The following COASY variants were observed in gnomAD, a reference collection of about 807,000 sequenced individuals.
The protein encoded by COASY is Coenzyme A synthase.
In COASY, 31 loss-of-function variants were observed where a neutral mutation model predicts 49.4. That is an observed-to-expected ratio of 0.63 (90% CI 0.47 to 0.85). The LOEUF is 0.85. Ranked by LOEUF, COASY falls within the 40% of genes least tolerant of loss-of-function variation. The probability of loss-of-function intolerance (pLI) is 0.00; values close to 1 mark genes in which losing one functional copy is unlikely to be tolerated. For missense variants in COASY, 730 were observed against 734.1 expected, an observed-to-expected ratio of 0.99 and a Z score of 0.06; for synonymous variants, 285 against 310.9, an observed-to-expected ratio of 0.92 and a Z score of 0.88.
Position 42,562,928 on chromosome 17 carries a change from C to G in COASY, c.306C>G (p.Thr102=). 6.2e-7 allele frequency: 1 copy of G among 1,613,308 alleles called. No homozygotes were observed. The highest frequency in any genetic ancestry group is 8.5e-7 in the Non-Finnish European group (1 of 1,179,302). The part of the protein sequence containing the change: ...TKSTFLPPLP[T]SVQNLAHPPE... ...GCACCTTTCTCCCTCCCCTGCCCAC[C>G]TCAGTCCAGAATCTCGCCCACCCGC... Residue 102 remains threonine, a synonymous_variant, in exon 1 of 9, where the codon ACC becomes ACG. Coordinates refer to ENST00000393818, the MANE Select transcript of COASY (RefSeq NM_025233.7).
chr17:42,564,300 CAAG>C (rs1567904870), intron 2 of COASY, 125 bp downstream of exon 2: 1 of 1,453,814 alleles, frequency 6.9e-7, no homozygotes, highest in East Asian at 2.3e-5. Flanking sequence ...TGGGAAGAAG[CAAG>C]GAGGAACTGG....
intron 1 of COASY, 95 bp from the exon 2 acceptor site, chr17:42,563,866 G>A: frequency 1.0e-6 from 1 of 958,564 alleles, no homozygotes; most frequent in Non-Finnish European, 1.6e-6. Context: ...CACCCCCTCT[G>A]GGGATACTGT....
In COASY at chr17:42,565,727, G is replaced by A. The variant is rs774848837; in HGVS notation, c.1554G>A (p.Gln518=). ...CGGCTCAAAGCCGGCTGCAGAGCCA[G>A]ATGAGCGGGCAGCAGCTTGTGGAAC... ...EAAAQSRLQS[Q]MSGQQLVEQS... is the part of the protein sequence containing the mutation. The change falls in exon 8 of 9, where the codon CAG becomes CAA. Residue 518 remains glutamine (Q), a synonymous_variant. Coordinates refer to ENST00000393818, the MANE Select transcript of COASY (RefSeq NM_025233.7). The A allele has an allele frequency of 1.9e-6, 3 of 1,614,006 alleles. No homozygotes were observed. The highest frequency in any genetic ancestry group is 2.5e-6 in the Non-Finnish European group (3 of 1,180,044).
chr17:42,564,714 G>A lies in COASY; in HGVS notation c.1053G>A (p.Arg351=). ...LGNLLRPPYE[R]PELPTCLYVI... is the part of the protein sequence containing the mutation. ...TCCCTTTCACCTATCCCCAGGAAAG[G>A]CCAGAGCTCCCCACATGTCTCTATG... Residue 351 remains arginine (R), a synonymous_variant, in exon 4 of 9, where the codon AGG becomes AGA. Transcript: ENST00000393818. 1 of 1,526,614 alleles carries A rather than the reference G, an allele frequency of 6.6e-7. No homozygotes were observed. Among genetic ancestry groups the A allele is most frequent in the Non-Finnish European group, 8.8e-7 (1 of 1,141,130 alleles). The allele number at this position is 1,526,614 out of a possible 1,614,324, so 94.6% of individuals were successfully genotyped here.
Position 42,564,756 on chromosome 17 carries a change from C to G in COASY, c.1095C>G (p.Gly365=). ...GTCTCTATGTAATTGGGCTGACTGGCATCAGTGGCTCTGGGAAGAGCTCAA... is the reference window on the plus strand; with the variant it reads ...GTCTCTATGTAATTGGGCTGACTGGGATCAGTGGCTCTGGGAAGAGCTCAA... ...PTCLYVIGLT[G]ISGSGKSSIA... Residue 365 remains glycine, a synonymous_variant, in exon 4 of 9, where the codon GGC becomes GGG. Coordinates refer to ENST00000393818, the MANE Select transcript of COASY (RefSeq NM_025233.7). 6.5e-7 allele frequency: 1 copy of G among 1,530,918 alleles called. No individual in the cohort carries two copies. Among genetic ancestry groups the G allele is most frequent in the Non-Finnish European group, 8.7e-7 (1 of 1,143,746 alleles). The allele number at this position is 1,530,918 out of a possible 1,614,324, so 94.8% of individuals were successfully genotyped here.
chr17:42,564,590 C>A lies in COASY; in HGVS notation c.1047+13C>A. Reference sequence around the variant, plus strand: ...TCGGCCTCCATATGTAAGCTCCTCTCCCTCCTTCCCTCCTGCTTGGTGTCC... The same window carrying A: ...TCGGCCTCCATATGTAAGCTCCTCTACCTCCTTCCCTCCTGCTTGGTGTCC... On this transcript the variant is annotated intron_variant, in intron 3 of 8. Coordinates refer to ENST00000393818, the MANE Select transcript of COASY (RefSeq NM_025233.7). 1 of 1,600,146 alleles carries A rather than the reference C, an allele frequency of 6.2e-7. No homozygotes were observed.
chr17:42,563,117 C>T lies in COASY; in HGVS notation c.495C>T (p.Pro165=). The change falls in exon 1 of 9, where the codon CCC becomes CCT. Residue 165 remains proline, a synonymous_variant. Transcript: ENST00000393818. ...GGATAGGAGAAGTGCCCGTGGAGCC[C>T]CTGGATGTCCCCTTACCCTCCACGA... ...DYGIGEVPVE[P]LDVPLPSTIR... is the part of the protein sequence containing the mutation. 6.2e-7 allele frequency: 1 copy of T among 1,613,684 alleles called. No individual in the cohort carries two copies. The highest frequency in any genetic ancestry group is 8.5e-7 in the Non-Finnish European group (1 of 1,179,728).
Position 42,566,234 on chromosome 17 carries a change from A to G in COASY, c.*266A>G, listed in dbSNP as rs2093004440. The G allele has an allele frequency of 1.9e-6, 1 of 531,050 alleles. No homozygotes were observed. Among genetic ancestry groups the G allele is most frequent in the Non-Finnish European group, 3.4e-6 (1 of 294,646 alleles). The allele number at this position is 531,050 out of a possible 1,614,324, so 32.9% of individuals were successfully genotyped here. A position where few individuals can be genotyped will look rare whatever the true frequency, so the allele number is the denominator to read the frequency against. ...ACCCACAGCTGACTAGGGCCAGCGC[A>G]AATACTGGAACCTGTAACAGAATTA... On this transcript the variant is annotated 3_prime_UTR_variant, in exon 9 of 9. Transcript: ENST00000393818.
intron 2 of COASY, 98 bp from the exon 3 acceptor site, chr17:42,564,348 G>A: frequency 6.4e-7 from 1 of 1,571,728 alleles, no homozygotes; most frequent in Non-Finnish European, 8.7e-7. Flanking sequence ...AGGAGGAGGA[G>A]CCTGGGTAGG....
chr17:42,564,844 G>A lies in COASY; in HGVS notation c.1183G>A (p.Ala395Thr), dbSNP rs139263701. ...TGACAGTGACCACCTGGGTCATCGGGCCTATGCCCCAGGTGGCCCTGCCTA... is the reference window on the plus strand; with the variant it reads ...TGACAGTGACCACCTGGGTCATCGGACCTATGCCCCAGGTGGCCCTGCCTA... ...VIDSDHLGHR[A>T]YAPGGPAYQP... is the part of the protein sequence containing the mutation. The change falls in exon 4 of 9, where the codon GCC becomes ACC. Residue 395 changes from alanine to threonine, a missense_variant. Ala to Thr is a moderately conservative substitution (Grantham distance 58, BLOSUM62 0). Coordinates refer to ENST00000393818, the MANE Select transcript of COASY (RefSeq NM_025233.7). 1.1e-3 allele frequency: 1,813 copies of A among 1,584,372 alleles called. 2 individuals are homozygous for A. Among genetic ancestry groups the A allele is most frequent in the Non-Finnish European group, 1.5e-3 (1,749 of 1,166,246 alleles).
Position 42,565,818 on chromosome 17 carries a change from G to T in COASY, c.1632+13G>T, listed in dbSNP as rs775097561. ...CACCCAACGCCAGGTTGGTGCCCAGGGCAAGGCCGGGTTGTGGGGAAGGAG... is the reference window on the plus strand; with the variant it reads ...CACCCAACGCCAGGTTGGTGCCCAGTGCAAGGCCGGGTTGTGGGGAAGGAG... On this transcript the variant is annotated intron_variant, in intron 8 of 8. Transcript: ENST00000393818. The T allele has an allele frequency of 1.1e-5, 18 of 1,613,912 alleles. No homozygotes were observed. Among genetic ancestry groups the T allele is most frequent in the Non-Finnish European group, 1.5e-5 (18 of 1,179,988 alleles).
rs374709763 is a variant in COASY at position 42,565,740 on chromosome 17, C to T, written c.1567C>T (p.Gln523Ter). Reference sequence around the variant, plus strand: ...GCTGCAGAGCCAGATGAGCGGGCAGCAGCTTGTGGAACAGAGCCACGTGGT... The same window carrying T: ...GCTGCAGAGCCAGATGAGCGGGCAGTAGCTTGTGGAACAGAGCCACGTGGT... The part of the protein sequence containing the change: ...SRLQSQMSGQ[Q>*]LVEQSHVVLS... The change falls in exon 8 of 9, where the codon CAG becomes TAG. Residue 523 changes from glutamine to a stop codon, truncating the protein, a stop_gained. Coordinates refer to ENST00000393818, the MANE Select transcript of COASY (RefSeq NM_025233.7). LOFTEE classifies it high-confidence loss of function. The T allele has an allele frequency of 2.5e-6, 4 of 1,613,776 alleles. No individual in the cohort carries two copies. Among genetic ancestry groups the T allele is most frequent in the African/African-American group, 2.7e-5 (2 of 74,936 alleles).
chr17:42,564,477 A>G lies in COASY; in HGVS notation c.947A>G (p.Gln316Arg). The G allele has an allele frequency of 6.2e-7, 1 of 1,613,550 alleles. No homozygotes were observed. The highest frequency in any genetic ancestry group is 8.5e-7 in the Non-Finnish European group (1 of 1,179,682). ...GAGGAACTTGCTTTGTACCAGATCC[A>G]GCTGCTGAAGGACCTCAGACATACA... ...DLEELALYQI[Q>R]LLKDLRHTEN... Residue 316 changes from glutamine to arginine, a missense_variant, in exon 3 of 9, where the codon CAG becomes CGG. By Grantham distance (43) the Gln-to-Arg change is conservative. Coordinates refer to ENST00000393818, the MANE Select transcript of COASY (RefSeq NM_025233.7).
rs2092977886 is a variant in COASY, at chr17:42,562,192, C to T, written c.-431C>T. 6.4e-6 allele frequency: 3 copies of T among 469,726 alleles called. No homozygotes were observed. The highest frequency in any genetic ancestry group is 2.0e-5 in the African/African-American group (1 of 49,732). The allele number at this position is 469,726 out of a possible 1,614,324, so 29.1% of individuals were successfully genotyped here. ...AGCCAGGGAAGCCTCCGCGGTGGTG[C>T]AAGTGGAACCCAAGCCTTGAGGTTT... On this transcript the variant is annotated 5_prime_UTR_variant, in exon 1 of 9. Coordinates refer to ENST00000393818, the MANE Select transcript of COASY (RefSeq NM_025233.7).
intron 1 of COASY, chr17:42,563,686 C>A: frequency 1.9e-6 from 1 of 522,670 alleles, no homozygotes; most frequent in Non-Finnish European, 3.4e-6. Flanking sequence ...TTGGAATTTT[C>A]CATCTGCCTC....
rs767178238 is a variant in COASY, at chr17:42,563,349, G to T, written c.700+27G>T. The stretch of plus-strand genomic sequence containing the variant: ...TGAGTAAGAGGGACCCTGGACTAGG[G>T]TGGAGGATCCCCAAATCTCCCCACC... On this transcript the variant is annotated intron_variant, in intron 1 of 8. Transcript: ENST00000393818. 4.5e-6 allele frequency: 7 copies of T among 1,549,812 alleles called. No individual in the cohort carries two copies. In the African/African-American group the frequency reaches 9.5e-5, roughly 21 times the overall value.
chr17:42,565,863 G>C (rs765332663), intron 8 of COASY, 43 bp from the exon 9 acceptor site: 1 of 1,613,810 alleles, frequency 6.2e-7, no homozygotes, highest in Non-Finnish European at 8.5e-7. Flanking sequence ...GGTACTGCCT[G>C]ACCCTGCCCT....
chr17:42,563,188 G>A lies in COASY; in HGVS notation c.566G>A (p.Arg189His), dbSNP rs765636733. 3.7e-6 allele frequency: 6 copies of A among 1,613,856 alleles called. No individual in the cohort carries two copies. The highest frequency in any genetic ancestry group is 2.7e-5 in the African/African-American group (2 of 74,936). ...GCCGGGTCTCCAAAGCAGCCGGTGC[G>A]TGGCTACTACCGTGGCGCTGTCGGT... ...PVAGSPKQPV[R>H]GYYRGAVGGT... Residue 189 changes from arginine (R) to histidine (H), a missense_variant, in exon 1 of 9, where the codon CGT becomes CAT. Arg to His is a conservative substitution (Grantham distance 29). Transcript: ENST00000393818.
Position 42,565,061 on chromosome 17 carries a change from TC to T in COASY, c.1302+16del, listed in dbSNP as rs1447459646. On this transcript the variant is annotated intron_variant, in intron 5 of 8. Transcript: ENST00000393818. Reference sequence around the variant, plus strand: ...TTTGGGAATAAGGTAAACAATAACTTCCTAAGGGCTCCTAAGCCGCTACTAG... The same window carrying T: ...TTTGGGAATAAGGTAAACAATAACTTCTAAGGGCTCCTAAGCCGCTACTAG... 1.2e-6 allele frequency: 2 copies of T among 1,613,286 alleles called. No homozygotes were observed. The highest frequency in any genetic ancestry group is 2.2e-5 in the South Asian group (2 of 91,056).
Sources: gnomAD v4.1 joint callset for allele counts on GRCh38, gnomAD v4.1.1 for gene constraint, MANE v1.5 for transcripts, NCBI Gene and HGNC (gene_info 2026-07-23, HGNC 2026-07-21) for gene names.